GPC6: variants seen among roughly 807,000 people sequenced by gnomAD.
GPC6 encodes glypican-6.
A neutral mutation model predicts 55.2 loss-of-function variants in GPC6; 14 were observed. That is an observed-to-expected ratio of 0.25 (90% CI 0.17 to 0.40). The LOEUF is 0.40. Among genes scored for constraint, GPC6 ranks in the 10% least tolerant of loss-of-function variants. GPC6 has a pLI of 1.00. For missense variants in GPC6, 641 were observed against 708.5 expected, an observed-to-expected ratio of 0.90 and a Z score of 1.08; for synonymous variants, 278 against 259.6, an observed-to-expected ratio of 1.07 and a Z score of -0.68.
intron 6 of GPC6, among the ~76,000 whole-genome samples, chr13:94,325,978 G>A (rs1877095112): frequency 6.6e-6 from 1 of 152,126 alleles, no homozygotes; most frequent in Non-Finnish European, 1.5e-5. Flanking sequence ...ATCCAGCCAG[G>A]CATGCAGATT....
At chr13:93,529,435 C>G (rs1448320358) in intron 1 of GPC6, among the ~76,000 whole-genome samples, 1 of 149,508 alleles carries the variant, frequency 6.7e-6, no homozygotes, top group South Asian at 2.1e-4. Context: ...ATTATGTGGT[C>G]TTATACAGCT....
At chr13:94,323,524 A>G (rs906901037) in intron 6 of GPC6, among the ~76,000 whole-genome samples, 1 of 152,200 alleles carries the variant, frequency 6.6e-6, no homozygotes, top group Non-Finnish European at 1.5e-5. Flanking sequence ...TCACTTCTAA[A>G]TGGGAGCTAA....
chr13:93,965,473 CTG>C (rs1264559244), intron 3 of GPC6, among the ~76,000 whole-genome samples: 1 of 152,104 alleles, frequency 6.6e-6, no homozygotes, highest in Non-Finnish European at 1.5e-5. Context: ...GAGGAGGAGA[CTG>C]TTTCTCCCTC....
intron 3 of GPC6, among the ~76,000 whole-genome samples, chr13:94,009,750 A>G (rs374598062): frequency 6.6e-6 from 1 of 152,170 alleles, no homozygotes; most frequent in East Asian, 1.9e-4. Flanking sequence ...ACCTGTGGGC[A>G]GAGAATGGAA....
intron 4 of GPC6, among the ~76,000 whole-genome samples, chr13:94,191,978 A>C (rs1889411087): frequency 6.6e-6 from 1 of 152,212 alleles, no homozygotes; most frequent in African/African-American, 2.4e-5. Flanking sequence ...ACCTCTCATT[A>C]GCACAAAAAT....
intron 3 of GPC6, among the ~76,000 whole-genome samples, chr13:93,892,503 CTTGT>C (rs1281142436): frequency 6.6e-6 from 1 of 152,092 alleles, no homozygotes; most frequent in Non-Finnish European, 1.5e-5. Context: ...TCTGTAAATG[CTTGT>C]TTGACTATTT....
At chr13:94,064,697 G>T (rs1884454609) in intron 4 of GPC6, among the ~76,000 whole-genome samples, 1 of 151,974 alleles carries the variant, frequency 6.6e-6, no homozygotes. Flanking sequence ...CTCACACTTA[G>T]CATTGGATTA....
At chr13:93,372,507 C>A (rs184819038) in intron 1 of GPC6, among the ~76,000 whole-genome samples, 84 of 152,236 alleles carry the variant, frequency 5.5e-4, no homozygotes, top group African/African-American at 1.9e-3. Flanking sequence ...CCTCTTTGTA[C>A]CTCACTTAGC....
chr13:93,816,943 G>T (rs1223413708), intron 2 of GPC6, among the ~76,000 whole-genome samples: 1 of 152,072 alleles, frequency 6.6e-6, no homozygotes, highest in African/African-American at 2.4e-5. Context: ...TTATGTTTCA[G>T]GTACCTTCCC....
chr13:93,514,811 T>C (rs1434121431), intron 1 of GPC6, among the ~76,000 whole-genome samples: 1 of 152,116 alleles, frequency 6.6e-6, no homozygotes, highest in Non-Finnish European at 1.5e-5. Context: ...CAGAATCCCC[T>C]ACCAACCTGT....
intron 4 of GPC6, among the ~76,000 whole-genome samples, chr13:94,093,188 A>G (rs892735420): frequency 1.3e-5 from 2 of 152,006 alleles, no homozygotes; most frequent in Admixed American, 1.3e-4. Flanking sequence ...AATCATTGCC[A>G]ATATCAATGT....
At chr13:94,171,118 A>G (rs961121092) in intron 4 of GPC6, among the ~76,000 whole-genome samples, 2 of 152,166 alleles carry the variant, frequency 1.3e-5, no homozygotes, top group Admixed American at 1.3e-4. Context: ...CAAGTGTACA[A>G]CCTGTTAGCC....
intron 3 of GPC6, among the ~76,000 whole-genome samples, chr13:93,847,970 T>C (rs1163686342): frequency 6.6e-6 from 1 of 152,160 alleles, no homozygotes; most frequent in Non-Finnish European, 1.5e-5. Flanking sequence ...TACATGGATT[T>C]ATTGTGAGAT....
intron 4 of GPC6, among the ~76,000 whole-genome samples, chr13:94,282,367 T>G (rs1425315302): frequency 2.0e-5 from 3 of 152,132 alleles, no homozygotes; most frequent in Non-Finnish European, 4.4e-5. Flanking sequence ...GAAAAGCCCC[T>G]TATAAAACCA....
At chr13:94,148,616 C>A (rs1303292221) in intron 4 of GPC6, among the ~76,000 whole-genome samples, 1 of 152,114 alleles carries the variant, frequency 6.6e-6, no homozygotes, top group Non-Finnish European at 1.5e-5. Context: ...ACTGTAGCGA[C>A]CATTACATGT....
At chr13:94,013,188 A>T (rs2138701556) in intron 3 of GPC6, among the ~76,000 whole-genome samples, 1 of 149,886 alleles carries the variant, frequency 6.7e-6, no homozygotes, top group African/African-American at 2.4e-5. Flanking sequence ...TGAATGAAAA[A>T]TATCCATTCT....
At chr13:93,842,364 C>T (rs1287449849) in intron 3 of GPC6, among the ~76,000 whole-genome samples, 1 of 152,018 alleles carries the variant, frequency 6.6e-6, no homozygotes, top group Non-Finnish European at 1.5e-5. Context: ...TATTTATGCC[C>T]CATTTTCCAT....
chr13:93,575,252 C>G (rs1009312420), intron 2 of GPC6, among the ~76,000 whole-genome samples: 4 of 152,150 alleles, frequency 2.6e-5, no homozygotes, highest in African/African-American at 9.7e-5. Context: ...GATTATACCA[C>G]TGCACTCCAG....
intron 1 of GPC6, among the ~76,000 whole-genome samples, chr13:93,351,509 T>C (rs1321707332): frequency 1.3e-5 from 2 of 152,140 alleles, no homozygotes; most frequent in Admixed American, 1.3e-4. Context: ...GAATACGTTC[T>C]AGTGTTCAAA....
Sources: gnomAD v4.1 joint callset for allele counts (sites outside exome capture counted in the v4.1 genomes callset) on GRCh38, gnomAD v4.1.1 for gene constraint, MANE v1.5 for transcripts, NCBI Gene and HGNC (gene_info 2026-07-23, HGNC 2026-07-21) for gene names.